Variants in KCNH5 observed in about 807,000 individuals in gnomAD.
The protein encoded by KCNH5 is voltage-gated delayed rectifier potassium channel KCNH5.
Under a neutral mutation model 96.1 loss-of-function variants are expected in KCNH5, and 46 were observed. The observed-to-expected ratio is 0.48, with a 90% CI of 0.38 to 0.61. The LOEUF is 0.61. Ranked by LOEUF, KCNH5 falls within the 20% of genes least tolerant of loss-of-function variation. The pLI is 0.00. For synonymous variants in KCNH5, 439 were observed against 449.8 expected (o/e 0.98, Z 0.30); for missense variants, 907 against 1,225.8 (o/e 0.74, Z 3.88).
At chr14:63,038,136 T>C (rs2139631261) in intron 1 of KCNH5, among the ~76,000 whole-genome samples, 1 of 152,318 alleles carries the variant, frequency 6.6e-6, no homozygotes, top group African/African-American at 2.4e-5. Flanking sequence ...AACTAAATAG[T>C]TTAAACTATG....
chr14:63,033,943 C>T (rs1891676423), intron 1 of KCNH5, among the ~76,000 whole-genome samples: 1 of 152,064 alleles, frequency 6.6e-6, no homozygotes, highest in Admixed American at 6.6e-5. Flanking sequence ...TGCTTTGAGA[C>T]AGAATCTTGC....
chr14:62,951,324 C>T (rs17093457), intron 6 of KCNH5, among the ~76,000 whole-genome samples: 1 of 152,152 alleles, frequency 6.6e-6, no homozygotes, highest in Non-Finnish European at 1.5e-5. Context: ...ACAGCATAGG[C>T]TTTCTTAAAT....
intron 10 of KCNH5, among the ~76,000 whole-genome samples, chr14:62,763,193 A>T (rs972835701): frequency 6.6e-6 from 1 of 152,178 alleles, no homozygotes; most frequent in Non-Finnish European, 1.5e-5. Flanking sequence ...TATCAACCAC[A>T]CTTCCAGACC....
chr14:62,892,857 C>A (rs1888738762), intron 7 of KCNH5, among the ~76,000 whole-genome samples: 3 of 151,988 alleles, frequency 2.0e-5, no homozygotes, highest in Middle Eastern at 3.4e-3. Flanking sequence ...CCTGGTGTAC[C>A]CCCCCAAAAA....
rs141322267 is a variant in KCNH5 at position 62,985,780 on chromosome 14, A to G, written c.549+1292T>C. Among the ~76,000 whole-genome samples, 567 of 152,256 alleles carry G rather than the reference A, an allele frequency of 3.7e-3. 1 individual carries two copies. Among genetic ancestry groups the G allele is most frequent in the Non-Finnish European group, 6.4e-3 (438 of 68,010 alleles). On this transcript the variant is annotated intron_variant, in intron 5 of 10. Transcript: ENST00000322893. ...ACAATTCAAACTCAAATATCCTTCC[A>G]GAGTGCCAGACCCATAAATCTCCCT...
chr14:62,731,118 T>C (rs752323931), intron 10 of KCNH5, among the ~76,000 whole-genome samples: 21 of 151,954 alleles, frequency 1.4e-4, no homozygotes, highest in Non-Finnish European at 2.9e-4. Context: ...CTGGCCAATA[T>C]GGTGAAACCC....
At chr14:62,715,890 G>A (rs1212261088) in intron 10 of KCNH5, among the ~76,000 whole-genome samples, 1 of 152,060 alleles carries the variant, frequency 6.6e-6, no homozygotes, top group African/African-American at 2.4e-5. Context: ...ATATCTTTTG[G>A]TTTTGCTAAT....
chr14:62,801,961 G>A (rs540150948), intron 9 of KCNH5, among the ~76,000 whole-genome samples: 1 of 152,082 alleles, frequency 6.6e-6, no homozygotes, highest in South Asian at 2.1e-4. Context: ...GGTTGAACTA[G>A]ACAGGTTCTG....
intron 9 of KCNH5, among the ~76,000 whole-genome samples, chr14:62,791,471 AC>A (rs1886433189): frequency 6.6e-6 from 1 of 151,674 alleles, no homozygotes; most frequent in Non-Finnish European, 1.5e-5. Context: ...CAATCAAAAG[AC>A]AGGGTGGCTG....
At chr14:63,001,825 T>G (rs749802141) in intron 3 of KCNH5, among the ~76,000 whole-genome samples, 1 of 152,172 alleles carries the variant, frequency 6.6e-6, no homozygotes, top group African/African-American at 2.4e-5. Flanking sequence ...CTGAGAGTCT[T>G]ACCAATTGTG....
chr14:62,813,500 T>C (rs916468331), intron 8 of KCNH5, among the ~76,000 whole-genome samples: 1 of 152,216 alleles, frequency 6.6e-6, no homozygotes, highest in Non-Finnish European at 1.5e-5. Flanking sequence ...AGTTATTGTA[T>C]TGATTATCTA....
At chr14:62,878,188 A>C (rs1888417236) in intron 7 of KCNH5, among the ~76,000 whole-genome samples, 1 of 87,246 alleles carries the variant, frequency 1.1e-5, no homozygotes, top group African/African-American at 5.3e-5. Context: ...CACTCTGGGG[A>C]CTGTTGTGGG....
At position 62,727,179 on chromosome 14, in the gene KCNH5, G is replaced by A. The variant is rs544954798; in HGVS notation, c.2020-18724C>T. The stretch of plus-strand genomic sequence containing the variant: ...CAGGAGTTTGAGACCAGTCTGGCCA[G>A]CGTGGTAAAACCCCGTCTCTACTAA... On this transcript the variant is annotated intron_variant, in intron 10 of 10. Coordinates refer to ENST00000322893, the MANE Select transcript of KCNH5 (RefSeq NM_139318.5). Among the ~76,000 whole-genome samples, 256 of 151,938 alleles carry A rather than the reference G, an allele frequency of 1.7e-3. 2 individuals are homozygous for A. Among genetic ancestry groups the A allele is most frequent in the African/African-American group, 6.1e-3 (251 of 41,464 alleles).
At chr14:62,907,977 C>T (rs1889062406) in intron 7 of KCNH5, among the ~76,000 whole-genome samples, 1 of 152,138 alleles carries the variant, frequency 6.6e-6, no homozygotes, top group East Asian at 1.9e-4. Flanking sequence ...AGATACTTTC[C>T]CAAGCATCCC....
At chr14:63,034,566 T>C (rs911467832) in intron 1 of KCNH5, among the ~76,000 whole-genome samples, 10 of 152,242 alleles carry the variant, frequency 6.6e-5, no homozygotes, top group African/African-American at 2.2e-4. Context: ...CCCAATAATA[T>C]TGGCAACATT....
chr14:62,993,008 G>C (rs1439502393), intron 4 of KCNH5, among the ~76,000 whole-genome samples: 1 of 151,952 alleles, frequency 6.6e-6, no homozygotes, highest in South Asian at 2.1e-4. Context: ...AGATAGGGGG[G>C]TCCTGTTTCA....
chr14:62,998,642 A>C (rs1184550298), intron 4 of KCNH5, among the ~76,000 whole-genome samples: 4 of 152,206 alleles, frequency 2.6e-5, no homozygotes, highest in African/African-American at 7.2e-5. Context: ...CACAAATTTG[A>C]TAAATTGTAT....
intron 7 of KCNH5, among the ~76,000 whole-genome samples, 192 bp from the exon 8 acceptor site, chr14:62,850,044 T>C (rs1031954181): frequency 1.3e-5 from 2 of 152,204 alleles, no homozygotes; most frequent in Admixed American, 1.3e-4. Flanking sequence ...AGGAGAAACA[T>C]GACTTTATGA....
intron 6 of KCNH5, among the ~76,000 whole-genome samples, chr14:62,955,983 C>A (rs531218573): frequency 2.6e-5 from 4 of 152,166 alleles, no homozygotes; most frequent in Non-Finnish European, 5.9e-5. Flanking sequence ...CAACCAACCA[C>A]GCTGCAGCCT....
Sources: allele counts gnomAD v4.1 joint callset (sites outside exome capture counted in the v4.1 genomes callset), GRCh38; gene constraint gnomAD v4.1.1; transcripts MANE v1.5; gene names NCBI Gene and HGNC (gene_info 2026-07-23, HGNC 2026-07-21).